The following FBXW8 variants were observed in gnomAD, a reference collection of about 807,000 sequenced individuals.
FBXW8 encodes the protein F-box/WD repeat-containing protein 8.
A neutral mutation model predicts 65.3 loss-of-function variants in FBXW8; 57 were observed. That is an observed-to-expected ratio of 0.87 (90% CI 0.71 to 1.09). The LOEUF is 1.09. Ranked by LOEUF, FBXW8 falls within the 50% of genes least tolerant of loss-of-function variation. The pLI, the probability that FBXW8 is intolerant of heterozygous loss-of-function variation, is 0.00. For synonymous variants in FBXW8, 308 were observed against 330.2 expected (o/e 0.93, Z 0.73); for missense variants, 777 against 814.8 (o/e 0.95, Z 0.57).
At chr12:116,954,537 A>G (rs1041300910) in intron 4 of FBXW8, among the ~76,000 whole-genome samples, 1 of 152,168 alleles carries the variant, frequency 6.6e-6, no homozygotes, top group African/African-American at 2.4e-5. Flanking sequence ...TTTTAGCATT[A>G]CAAATCTTTA....
chr12:116,979,454 AGGTGGAG>A (rs1195711341), intron 5 of FBXW8: 1 of 152,442 alleles, frequency 6.6e-6, no homozygotes, highest in East Asian at 1.9e-4. Flanking sequence ...CTGCTTGTCA[AGGTGGAG>A]GGTCCTGAGC....
At chr12:116,958,193 CAGA>C (rs1883768391) in intron 4 of FBXW8, among the ~76,000 whole-genome samples, 1 of 152,220 alleles carries the variant, frequency 6.6e-6, no homozygotes, top group South Asian at 2.1e-4. Context: ...TGCATTTCCA[CAGA>C]AGGATTCTGC....
At chr12:116,927,393 C>A (rs1356241594) in intron 1 of FBXW8, among the ~76,000 whole-genome samples, 1 of 152,080 alleles carries the variant, frequency 6.6e-6, no homozygotes, top group Admixed American at 6.6e-5. Context: ...AGTGTAAGCC[C>A]CTGAGAGCAT....
intron 4 of FBXW8, among the ~76,000 whole-genome samples, chr12:116,957,450 A>G (rs1565913847): frequency 6.6e-6 from 1 of 152,228 alleles, no homozygotes. Context: ...GAATTTAAAA[A>G]TATTTTCTGT....
At chr12:116,988,036 T>C (rs1953137462) in intron 6 of FBXW8, among the ~76,000 whole-genome samples, 1 of 152,226 alleles carries the variant, frequency 6.6e-6, no homozygotes, top group Admixed American at 6.5e-5. Context: ...TTTTCATGCT[T>C]CCCTCTAGGA....
chr12:116,929,649 CAGTTGAGGTAACTA>C (rs1881616572), intron 2 of FBXW8, among the ~76,000 whole-genome samples: 1 of 152,166 alleles, frequency 6.6e-6, no homozygotes, highest in Admixed American at 6.5e-5. Flanking sequence ...TGGAATGGCT[CAGTTGAGGTAACTA>C]ACATGTATTA....
chr12:116,962,471 C>T lies in FBXW8; in HGVS notation c.678-2226C>T, dbSNP rs139444227. ...CGTCTTTCCTCTCCACCCTCGCCTC[C>T]CCACTGTGTCCCCTGGGGGGGCACC... On this transcript the variant is annotated intron_variant, in intron 4 of 10. Transcript: ENST00000652555. Among the ~76,000 whole-genome samples the T allele has an allele frequency of 2.1e-4, 32 of 152,324 alleles. No individual in the cohort carries two copies. In the East Asian group the frequency reaches 6.0e-3, roughly 29 times the overall value.
chr12:116,975,724 A>G (rs1884885333), intron 5 of FBXW8, among the ~76,000 whole-genome samples: 1 of 152,162 alleles, frequency 6.6e-6, no homozygotes, highest in African/African-American at 2.4e-5. Context: ...AAGGCACAAC[A>G]CCTTCTGATT....
At chr12:116,948,894 A>C (rs997204574) in intron 3 of FBXW8, 1 of 152,308 alleles carries the variant, frequency 6.6e-6, no homozygotes, top group Admixed American at 6.5e-5. Context: ...AGTTGGGACT[A>C]CAGGTGCATG....
rs574727059 is a variant in FBXW8 at position 116,993,891 on chromosome 12, G to C, written c.1239+5022G>C. 2.6e-5 allele frequency among the ~76,000 whole-genome samples: 4 copies of C among 152,110 alleles called. No individual in the cohort carries two copies. In the South Asian group the frequency reaches 8.3e-4, roughly 32 times the overall value. ...GTTTCAAGTCTTAGATTTAAGTCTT[G>C]GTTAATTTTTATATATGGTGAGAGA... On this transcript the variant is annotated intron_variant, in intron 7 of 10. Transcript: ENST00000652555.
intron 2 of FBXW8, among the ~76,000 whole-genome samples, chr12:116,942,312 C>A (rs1369232941): frequency 6.6e-6 from 1 of 151,262 alleles, no homozygotes; most frequent in African/African-American, 2.4e-5. Context: ...CTTTTTTTTC[C>A]TTTATTCTTT....
At chr12:116,938,906 A>G (rs1882359924) in intron 2 of FBXW8, among the ~76,000 whole-genome samples, 1 of 152,230 alleles carries the variant, frequency 6.6e-6, no homozygotes, top group African/African-American at 2.4e-5. Flanking sequence ...GCCATGGAGA[A>G]GTAGCCCCAG....
At chr12:116,981,194 T>C (rs1885282153) in intron 5 of FBXW8, among the ~76,000 whole-genome samples, 1 of 152,248 alleles carries the variant, frequency 6.6e-6, no homozygotes, top group Non-Finnish European at 1.5e-5. Flanking sequence ...GTAGCCATGA[T>C]ATAACTGTAG....
chr12:116,981,521 A>G (rs1885301397), intron 5 of FBXW8, among the ~76,000 whole-genome samples: 2 of 152,272 alleles, frequency 1.3e-5, no homozygotes, highest in Non-Finnish European at 2.9e-5. Context: ...ATGTACAAAT[A>G]AAAAGTTTGT....
chr12:116,949,373 G>A (rs1883124299), intron 3 of FBXW8: 2 of 515,782 alleles, frequency 3.9e-6, no homozygotes, highest in Non-Finnish European at 7.0e-6. Flanking sequence ...GGAGGATGGG[G>A]CAATGTCTCA....
At chr12:117,027,922 A>C in intron 10 of FBXW8, 106 bp from the exon 11 acceptor site, 2 of 1,468,234 alleles carry the variant, frequency 1.4e-6, no homozygotes, top group South Asian at 2.5e-5. Context: ...TGTGAAGCTG[A>C]ACCTCTATCT....
intron 1 of FBXW8, among the ~76,000 whole-genome samples, chr12:116,912,109 T>C (rs1239540736): frequency 6.6e-6 from 1 of 151,772 alleles, no homozygotes; most frequent in African/African-American, 2.4e-5. Context: ...TGGTTTGATT[T>C]AAATTAGGCC....
Position 117,010,374 on chromosome 12 carries a change from G to T in FBXW8, c.1291G>T (p.Val431Phe), listed in dbSNP as rs370355248. The change falls in exon 8 of 11, where the codon GTT (valine) becomes TTT (phenylalanine). Residue 431 changes from valine (V) to phenylalanine (F), a missense_variant. Coordinates refer to ENST00000652555, the MANE Select transcript of FBXW8 (RefSeq NM_153348.3). Reference protein sequence around the residue: ...AGRRLLKLGNVLRDFTCVNLS... With the variant: ...AGRRLLKLGNFLRDFTCVNLS... ...ACGCCGCCTCTTGAAGCTGGGTAACGTTCTCCGTGACTTCACGTGTGTCAA... is the reference window on the plus strand; with the variant it reads ...ACGCCGCCTCTTGAAGCTGGGTAACTTTCTCCGTGACTTCACGTGTGTCAA... 6.2e-7 allele frequency: 1 copy of T among 1,614,200 alleles called. No individual in the cohort carries two copies.
chr12:117,027,464 A>G lies in FBXW8; in HGVS notation c.1612A>G (p.Met538Val). ...GGCCAACGTGCCTTACCAGACGGTA[A>G]TGCGAAACGCCGACCTGGACAGCTT... ...ITANVPYQTV[M>V]RNADLDSFTT... The change falls in exon 10 of 11, where the codon ATG becomes GTG. Residue 538 changes from methionine to valine, a missense_variant. Coordinates refer to ENST00000652555, the MANE Select transcript of FBXW8 (RefSeq NM_153348.3). 6.2e-7 allele frequency: 1 copy of G among 1,614,158 alleles called. No individual in the cohort carries two copies. Among genetic ancestry groups the G allele is most frequent in the Non-Finnish European group, 8.5e-7 (1 of 1,180,016 alleles).
Sources: gnomAD v4.1 joint callset for allele counts (sites outside exome capture counted in the v4.1 genomes callset) on GRCh38, gnomAD v4.1.1 for gene constraint, MANE v1.5 for transcripts, NCBI Gene and HGNC (gene_info 2026-07-23, HGNC 2026-07-21) for gene names.